Variants in TRAPPC8 observed in about 807,000 individuals in gnomAD.
TRAPPC8 encodes the protein general sporulation gene 1 homolog.
In TRAPPC8, 54 loss-of-function variants were observed where a neutral mutation model predicts 174.3. The observed-to-expected ratio is 0.31, with a 90% CI of 0.25 to 0.39. TRAPPC8 has a LOEUF of 0.39. Among genes scored for constraint, TRAPPC8 ranks in the 10% least tolerant of loss-of-function variants. TRAPPC8 has a pLI of 1.00. For synonymous variants in TRAPPC8, 630 were observed against 579.9 expected, an observed-to-expected ratio of 1.09 and a Z score of -1.24; for missense variants, 1,531 against 1,699.1, an observed-to-expected ratio of 0.90 and a Z score of 1.74.
chr18:31,917,354 G>C (rs1450330158), intron 3 of TRAPPC8, among the ~76,000 whole-genome samples: 1 of 151,162 alleles, frequency 6.6e-6, no homozygotes, highest in Non-Finnish European at 1.5e-5. Context: ...GCCCTCTGTA[G>C]TCTTATTTTA....
At chr18:31,850,354 T>C (rs1465444411) in intron 24 of TRAPPC8, among the ~76,000 whole-genome samples, 1 of 152,164 alleles carries the variant, frequency 6.6e-6, no homozygotes, top group African/African-American at 2.4e-5. Flanking sequence ...TGAATGGGTA[T>C]CACCAAGAAA....
At chr18:31,917,000 A>G (rs557081249) in intron 3 of TRAPPC8, among the ~76,000 whole-genome samples, 1 of 152,094 alleles carries the variant, frequency 6.6e-6, no homozygotes, top group African/African-American at 2.4e-5. Context: ...GTAACAAGGA[A>G]ACTCATAAAA....
rs778749528 is a variant in TRAPPC8, at chr18:31,907,623, A to G, written c.1239-13T>C. 6.3e-7 allele frequency: 1 copy of G among 1,581,316 alleles called. No individual in the cohort carries two copies. The highest frequency in any genetic ancestry group is 8.6e-7 in the Non-Finnish European group (1 of 1,162,458). The stretch of plus-strand genomic sequence containing the variant: ...TTCCGGCGGATACCTGTAAATACAA[A>G]AGAAAATAATTTATAATTTATTACC... On this transcript the variant is annotated splice_polypyrimidine_tract_variant and intron_variant, in intron 8 of 28. Transcript: ENST00000283351.
At chr18:31,883,108 A>G (rs2035535733) in intron 12 of TRAPPC8, among the ~76,000 whole-genome samples, 1 of 151,162 alleles carries the variant, frequency 6.6e-6, no homozygotes, top group South Asian at 2.1e-4. Context: ...CTGTAATCTC[A>G]GCTAACTGGG....
intron 9 of TRAPPC8, among the ~76,000 whole-genome samples, chr18:31,905,219 TATC>T (rs1239896525): frequency 6.6e-6 from 1 of 152,202 alleles, no homozygotes; most frequent in Non-Finnish European, 1.5e-5. Flanking sequence ...AGGGAAGTGA[TATC>T]AGTTCAAATT....
chr18:31,933,792 T>C (rs922723280), intron 1 of TRAPPC8, among the ~76,000 whole-genome samples: 4 of 144,976 alleles, frequency 2.8e-5, no homozygotes, highest in Non-Finnish European at 4.6e-5. Context: ...TATTGATTTC[T>C]AACATTTTTT....
At chr18:31,903,125 T>TGCGTGC (rs575306839) in intron 9 of TRAPPC8, among the ~76,000 whole-genome samples, 11 of 112,526 alleles carry the variant, frequency 9.8e-5, no homozygotes, top group South Asian at 2.6e-4. Context: ...TGCGTGCGTG[T>TGCGTGC]GTGTGTGTGT....
intron 2 of TRAPPC8, among the ~76,000 whole-genome samples, chr18:31,919,053 A>T (rs2037264973): frequency 6.6e-6 from 1 of 152,196 alleles, no homozygotes; most frequent in South Asian, 2.1e-4. Flanking sequence ...AAAGCCATTC[A>T]TCTTAACCAA....
intron 25 of TRAPPC8, 42 bp from the exon 26 acceptor site, chr18:31,846,859 T>C (rs1320000837): frequency 6.7e-7 from 1 of 1,481,492 alleles, no homozygotes; most frequent in Admixed American, 1.8e-5. Flanking sequence ...TGCTTGACAG[T>C]AACCTCTAAA....
At position 31,839,471 on chromosome 18, in the gene TRAPPC8, GA is replaced by G; in HGVS notation, c.3838-15del. On this transcript the variant is annotated splice_polypyrimidine_tract_variant and intron_variant, in intron 26 of 28. Coordinates refer to ENST00000283351, the MANE Select transcript of TRAPPC8 (RefSeq NM_014939.5). ...TTCTGGTGGCTCCTGAGAAAAGAAAGAAAAAACATATGACAATAAAAACACT... is the reference window on the plus strand; with the variant it reads ...TTCTGGTGGCTCCTGAGAAAAGAAAGAAAAACATATGACAATAAAAACACT... 6.8e-7 allele frequency: 1 copy of G among 1,477,778 alleles called. No homozygotes were observed. Among genetic ancestry groups the G allele is most frequent in the African/African-American group, 1.5e-5 (1 of 65,154 alleles). The allele number at this position is 1,477,778 out of a possible 1,614,324, so 91.5% of individuals were successfully genotyped here. A position where few individuals can be genotyped will look rare whatever the true frequency, so the allele number is the denominator to read the frequency against.
At position 31,874,609 on chromosome 18, in the gene TRAPPC8, C is replaced by T; in HGVS notation, c.1824G>A (p.Gly608=). Reference sequence around the variant, plus strand: ...GCTGTCTAAGAGTATAGGACTGGCGCCCAATAGTGAAATTAATGTGATCCT... The same window carrying T: ...GCTGTCTAAGAGTATAGGACTGGCGTCCAATAGTGAAATTAATGTGATCCT... ...LAEDHINFTI[G]RQSYTLRQLD... The change falls in exon 13 of 29, where the codon GGG becomes GGA. Residue 608 remains glycine (G), a synonymous_variant. Coordinates refer to ENST00000283351, the MANE Select transcript of TRAPPC8 (RefSeq NM_014939.5). 2.5e-6 allele frequency: 4 copies of T among 1,614,038 alleles called. No individual in the cohort carries two copies. Among genetic ancestry groups the T allele is most frequent in the Non-Finnish European group, 3.4e-6 (4 of 1,179,996 alleles).
At chr18:31,906,033 A>G (rs1009515170) in intron 9 of TRAPPC8, among the ~76,000 whole-genome samples, 11 of 152,052 alleles carry the variant, frequency 7.2e-5, no homozygotes, top group Admixed American at 7.2e-4. Context: ...ATTTTCAAAC[A>G]CTTCTCATGA....
intron 25 of TRAPPC8, among the ~76,000 whole-genome samples, chr18:31,847,922 T>A (rs2033495457): frequency 1.3e-5 from 2 of 152,226 alleles, no homozygotes; most frequent in Admixed American, 1.3e-4. Context: ...ATTATGTCCC[T>A]TTTTCAACTG....
At chr18:31,917,093 C>CA (rs2037181289) in intron 3 of TRAPPC8, among the ~76,000 whole-genome samples, 1 of 151,588 alleles carries the variant, frequency 6.6e-6, no homozygotes, top group Non-Finnish European at 1.5e-5. Context: ...ACTGCAGTTA[C>CA]AAATTTCATC....
At chr18:31,941,279 C>T (rs2038329874) in intron 1 of TRAPPC8, among the ~76,000 whole-genome samples, 1 of 152,048 alleles carries the variant, frequency 6.6e-6, no homozygotes, top group South Asian at 2.1e-4. Flanking sequence ...CCTGTCTCTA[C>T]TAAAAATACA....
intron 2 of TRAPPC8, among the ~76,000 whole-genome samples, chr18:31,922,797 C>T (rs551293335): frequency 2.6e-5 from 4 of 152,108 alleles, no homozygotes; most frequent in Admixed American, 2.0e-4. Flanking sequence ...GCAGGCTGAT[C>T]ACTTGAGCCC....
chr18:31,926,756 A>C (rs2037632872), intron 2 of TRAPPC8, among the ~76,000 whole-genome samples: 1 of 152,160 alleles, frequency 6.6e-6, no homozygotes. Flanking sequence ...ACTCCTGAAA[A>C]CACAAAATAC....
intron 2 of TRAPPC8, among the ~76,000 whole-genome samples, chr18:31,920,456 G>A (rs1341961137): frequency 1.3e-5 from 2 of 152,156 alleles, no homozygotes; most frequent in African/African-American, 2.4e-5. Flanking sequence ...AGTTACTACT[G>A]TAACAATTTC....
At chr18:31,905,565 C>T (rs947485687) in intron 9 of TRAPPC8, among the ~76,000 whole-genome samples, 1 of 152,180 alleles carries the variant, frequency 6.6e-6, no homozygotes, top group African/African-American at 2.4e-5. Context: ...CTGAGGTATC[C>T]TCAGCCATGC....
Sources: allele counts gnomAD v4.1 joint callset (sites outside exome capture counted in the v4.1 genomes callset), GRCh38; gene constraint gnomAD v4.1.1; transcripts MANE v1.5; gene names NCBI Gene and HGNC (gene_info 2026-07-23, HGNC 2026-07-21).